Variants in SLC4A8 observed in about 807,000 individuals in gnomAD.
The protein encoded by SLC4A8 is electroneutral sodium bicarbonate exchanger 1.
Under a neutral mutation model 125.0 loss-of-function variants are expected in SLC4A8, and 40 were observed. The ratio of observed to expected loss-of-function variants is 0.32; its 90% CI spans 0.25 to 0.42. SLC4A8 has a LOEUF of 0.42. SLC4A8 is among the 10% of genes least tolerant of loss of function. The pLI is 1.00. For synonymous variants in SLC4A8, 456 were observed against 476.0 expected (o/e 0.96, Z 0.55); for missense variants, 863 against 1,355.1 (o/e 0.64, Z 5.70).
At chr12:51,450,675 G>A in intron 2 of SLC4A8, 1 of 586,880 alleles carries the variant, frequency 1.7e-6, no homozygotes, top group Non-Finnish European at 3.0e-6. Flanking sequence ...TTGCAGGCAT[G>A]TGCAGGACAA....
intron 16 of SLC4A8, among the ~76,000 whole-genome samples, chr12:51,484,303 G>A (rs1203778336): frequency 6.6e-6 from 1 of 152,166 alleles, no homozygotes; most frequent in Admixed American, 6.5e-5. Context: ...TCAGGCCTGG[G>A]TTAAGTGCTA....
At chr12:51,394,027 C>T (rs114277020) in intron 1 of SLC4A8, among the ~76,000 whole-genome samples, 1 of 152,180 alleles carries the variant, frequency 6.6e-6, no homozygotes, top group African/African-American at 2.4e-5. Context: ...TCGGACCTAC[C>T]GTCTTTGCTC....
intron 1 of SLC4A8, among the ~76,000 whole-genome samples, chr12:51,434,676 A>G (rs996604576): frequency 2.0e-5 from 3 of 152,170 alleles, no homozygotes; most frequent in South Asian, 2.1e-4. Flanking sequence ...AAAGAAATCA[A>G]TCATCTCTCC....
intron 1 of SLC4A8, among the ~76,000 whole-genome samples, chr12:51,412,238 T>C (rs1159628505): frequency 1.3e-5 from 2 of 152,158 alleles, no homozygotes; most frequent in East Asian, 1.9e-4. Flanking sequence ...ATTTAATATA[T>C]ATCAATTGGA....
At chr12:51,433,880 G>GTTTTTTTTTTTTTTTTT (rs1565772475) in intron 1 of SLC4A8, among the ~76,000 whole-genome samples, 3 of 71,734 alleles carry the variant, frequency 4.2e-5, no homozygotes, top group Non-Finnish European at 5.7e-5. Context: ...TTTTTTTTTG[G>GTTTTTTTTTTTTTTTTT]TTGGTTTTTT....
chr12:51,402,784 C>G (rs1282525263), intron 1 of SLC4A8, among the ~76,000 whole-genome samples: 4 of 152,128 alleles, frequency 2.6e-5, no homozygotes, highest in Non-Finnish European at 5.9e-5. Flanking sequence ...TTTATTTGTC[C>G]CTTTGCAATT....
At chr12:51,474,521 GA>G in intron 15 of SLC4A8, 74 bp downstream of exon 15, 1 of 1,542,638 alleles carries the variant, frequency 6.5e-7, no homozygotes. Flanking sequence ...TGAAGGGGAG[GA>G]GTAGCCCTTT....
At chr12:51,490,961 A>T (rs1232023070) in intron 19 of SLC4A8, among the ~76,000 whole-genome samples, 6 of 152,192 alleles carry the variant, frequency 3.9e-5, no homozygotes, top group Non-Finnish European at 8.8e-5. Flanking sequence ...GGTAGCAGGG[A>T]CAGATAAAAA....
rs143820048 is a variant in SLC4A8 at position 51,501,506 on chromosome 12, G to A, written c.3082-2523G>A. Among the ~76,000 whole-genome samples, 303 of 152,312 alleles carry A rather than the reference G, an allele frequency of 2.0e-3. 2 individuals carry two copies. The highest frequency in any genetic ancestry group is 6.5e-3 in the African/African-American group (272 of 41,560). Reference sequence around the variant, plus strand: ...ATAGTTTTGTTCTCTTTGTGGCTGCGTAGTATTCCATGGTGTATACATACT... The same window carrying A: ...ATAGTTTTGTTCTCTTTGTGGCTGCATAGTATTCCATGGTGTATACATACT... On this transcript the variant is annotated intron_variant, in intron 22 of 24. Coordinates refer to ENST00000453097, the MANE Select transcript of SLC4A8 (RefSeq NM_001039960.3).
rs1404611051 is a variant in SLC4A8 at position 51,470,436 on chromosome 12, T to G, written c.1569T>G (p.Ala523=). ...SLFGASMTGI[A]YSLFAGQALT... ...TTGGAGCTTCCATGACTGGGATTGC[T>G]TATTCCTTGTTTGCGGGACAGGCTC... Residue 523 remains alanine (A), a synonymous_variant, in exon 13 of 25, where the codon GCT becomes GCG. Transcript: ENST00000453097. The G allele has an allele frequency of 6.2e-7, 1 of 1,613,776 alleles. No homozygotes were observed. The highest frequency in any genetic ancestry group is 2.2e-5 in the East Asian group (1 of 44,898).
chr12:51,428,507 C>T (rs760637763), intron 1 of SLC4A8, among the ~76,000 whole-genome samples: 3 of 152,174 alleles, frequency 2.0e-5, no homozygotes, highest in Non-Finnish European at 4.4e-5. Flanking sequence ...ACATCTCTTC[C>T]CTCTATGTTG....
chr12:51,459,061 G>C (rs1024980540), intron 7 of SLC4A8, among the ~76,000 whole-genome samples: 2 of 152,190 alleles, frequency 1.3e-5, no homozygotes, highest in African/African-American at 4.8e-5. Context: ...CTCTCCTTGA[G>C]GACTGTGACT....
At chr12:51,401,486 C>T (rs913513600) in intron 1 of SLC4A8, among the ~76,000 whole-genome samples, 3 of 152,300 alleles carry the variant, frequency 2.0e-5, no homozygotes, top group South Asian at 4.1e-4. Context: ...TATGTCTTTC[C>T]GTGGGCCGAT....
intron 5 of SLC4A8, 22 bp downstream of exon 5, chr12:51,453,721 CA>C (rs773997425): frequency 1.3e-6 from 2 of 1,599,782 alleles, no homozygotes; most frequent in Non-Finnish European, 1.7e-6. Context: ...GAAGGGAAAA[CA>C]GAGCAACTTT....
At chr12:51,481,841 A>G (rs1951038351) in intron 16 of SLC4A8, among the ~76,000 whole-genome samples, 2 of 151,946 alleles carry the variant, frequency 1.3e-5, no homozygotes, top group Admixed American at 1.3e-4. Context: ...AGTCCCAGCT[A>G]CTCAGGAAGG....
chr12:51,502,039 A>G (rs887333893), intron 22 of SLC4A8: 1 of 152,212 alleles, frequency 6.6e-6, no homozygotes, highest in South Asian at 2.1e-4. Context: ...CAAGAACACA[A>G]TCCTGACTAC....
At chr12:51,504,756 A>T (rs2138453116) in intron 23 of SLC4A8, among the ~76,000 whole-genome samples, 1 of 152,306 alleles carries the variant, frequency 6.6e-6, no homozygotes, top group South Asian at 2.1e-4. Context: ...TTGAACTGGG[A>T]TCATGAAAAT....
chr12:51,453,914 T>G (rs998634920), intron 5 of SLC4A8, among the ~76,000 whole-genome samples: 1 of 152,304 alleles, frequency 6.6e-6, no homozygotes, highest in Non-Finnish European at 1.5e-5. Flanking sequence ...TCAAATGACA[T>G]GGTGTTAAGT....
chr12:51,470,563 T>C, intron 13 of SLC4A8, 38 bp downstream of exon 13: 3 of 1,581,670 alleles, frequency 1.9e-6, no homozygotes, highest in Non-Finnish European at 2.6e-6. Context: ...TAACCAGATT[T>C]AGTGATTATG....
Sources: allele counts gnomAD v4.1 joint callset (sites outside exome capture counted in the v4.1 genomes callset), GRCh38; gene constraint gnomAD v4.1.1; transcripts MANE v1.5; gene names NCBI Gene and HGNC (gene_info 2026-07-23, HGNC 2026-07-21).